The following RGS20 variants were observed in gnomAD, a reference collection of about 807,000 sequenced individuals.
The protein encoded by RGS20 is regulator of G protein signaling 20.
Under a neutral mutation model 33.6 loss-of-function variants are expected in RGS20, and 30 were observed. The ratio of observed to expected loss-of-function variants is 0.89; its 90% CI spans 0.67 to 1.21. The LOEUF is 1.21. RGS20 is among the 50% of genes most tolerant of loss of function. The probability of loss-of-function intolerance (pLI) is 0.00; values close to 1 mark genes in which losing one functional copy is unlikely to be tolerated. For synonymous variants in RGS20, 208 were observed against 197.9 expected (o/e 1.05, Z -0.43); for missense variants, 472 against 502.4 (o/e 0.94, Z 0.58).
chr8:53,930,416 A>T (rs1813920762), intron 2 of RGS20, among the ~76,000 whole-genome samples: 1 of 152,226 alleles, frequency 6.6e-6, no homozygotes, highest in African/African-American at 2.4e-5. Context: ...ATTTAAGTGA[A>T]TAGATATTTC....
intron 2 of RGS20, among the ~76,000 whole-genome samples, chr8:53,883,202 G>C (rs1281402267): frequency 6.6e-6 from 1 of 151,380 alleles, no homozygotes; most frequent in Non-Finnish European, 1.5e-5. Context: ...TGTGGCCCAG[G>C]CTGGAGTGCA....
At chr8:53,947,249 A>G (rs1814518890) in intron 4 of RGS20, among the ~76,000 whole-genome samples, 1 of 140,834 alleles carries the variant, frequency 7.1e-6, no homozygotes, top group African/African-American at 2.7e-5. Flanking sequence ...GATATAGCAT[A>G]TTTATTTATA....
intron 3 of RGS20, 42 bp from the exon 3 acceptor site, chr8:53,946,623 C>T (rs1814487680): frequency 2.0e-6 from 3 of 1,473,870 alleles, no homozygotes; most frequent in Non-Finnish European, 2.8e-6. Flanking sequence ...CTTTTCTTGG[C>T]AGGGACTGAG....
intron 2 of RGS20, chr8:53,879,680 A>C: frequency 5.0e-6 from 6 of 1,199,760 alleles, no homozygotes; most frequent in African/African-American, 1.6e-5. Flanking sequence ...TCCTAACCCC[A>C]ACTGACCCGC....
chr8:53,904,581 A>G (rs1230956140), intron 2 of RGS20, among the ~76,000 whole-genome samples: 1 of 152,238 alleles, frequency 6.6e-6, no homozygotes, highest in African/African-American at 2.4e-5. Context: ...CATGCAAACC[A>G]TTAATGATGG....
chr8:53,852,506 G>T (rs1411314143), intron 1 of RGS20, among the ~76,000 whole-genome samples: 2 of 152,170 alleles, frequency 1.3e-5, no homozygotes, highest in Admixed American at 6.5e-5. Flanking sequence ...ACATTAAGGA[G>T]CTGAGGGGTG....
rs1410188715 is a variant in RGS20 at position 53,948,364 on chromosome 8, GAC to G, written c.743+1620_743+1621del. Among the ~76,000 whole-genome samples, 554 of 138,080 alleles carry G rather than the reference GAC, an allele frequency of 4.0e-3. 10 individuals are homozygous for G. Among genetic ancestry groups the G allele is most frequent in the African/African-American group, 0.014 (514 of 37,074 alleles). The allele number at this position is 138,080 out of a possible 152,430, so 90.6% of individuals were successfully genotyped here. On this transcript the variant is annotated intron_variant, in intron 4 of 5. Coordinates refer to ENST00000297313, the MANE Select transcript of RGS20 (RefSeq NM_170587.4). ...ATATATTTATATATGCTATATATAA[GAC>G]ACAGTATATATTTATATATGCTATA...
chr8:53,863,234 G>A (rs550297502), intron 1 of RGS20, among the ~76,000 whole-genome samples: 20 of 152,132 alleles, frequency 1.3e-4, no homozygotes, highest in African/African-American at 4.8e-4. Context: ...TGATCCGCCC[G>A]CCTCGGCCTC....
At chr8:53,882,344 G>A (rs1457703106) in intron 2 of RGS20, among the ~76,000 whole-genome samples, 1 of 152,108 alleles carries the variant, frequency 6.6e-6, no homozygotes, top group African/African-American at 2.4e-5. Flanking sequence ...TGAGCTTCCC[G>A]GACTTGACAG....
chr8:53,895,504 G>A (rs979038792), intron 2 of RGS20, among the ~76,000 whole-genome samples: 4 of 152,104 alleles, frequency 2.6e-5, no homozygotes, highest in Non-Finnish European at 5.9e-5. Context: ...TAGAATCTGC[G>A]CTTCCTTTTC....
At chr8:53,910,220 G>A (rs1585911824) in intron 2 of RGS20, among the ~76,000 whole-genome samples, 1 of 152,134 alleles carries the variant, frequency 6.6e-6, no homozygotes, top group South Asian at 2.1e-4. Flanking sequence ...TAGATGCCCT[G>A]GTACCAGCAA....
At chr8:53,885,238 G>A (rs2129275905) in intron 2 of RGS20, among the ~76,000 whole-genome samples, 1 of 152,264 alleles carries the variant, frequency 6.6e-6, no homozygotes, top group East Asian at 1.9e-4. Context: ...TTCCGCATGT[G>A]GGCATCTAAC....
chr8:53,884,302 C>T (rs1204033479), intron 2 of RGS20, among the ~76,000 whole-genome samples: 1 of 148,048 alleles, frequency 6.8e-6, no homozygotes, highest in African/African-American at 2.6e-5. Context: ...TTCAAAGGAT[C>T]CTCCCACCTC....
At position 53,863,080 on chromosome 8, in the gene RGS20, C is replaced by G. The variant is rs541461871; in HGVS notation, c.165+11016C>G. Among the ~76,000 whole-genome samples, 562 of 152,240 alleles carry G rather than the reference C, an allele frequency of 3.7e-3. 10 individuals are homozygous for G. The highest frequency in any genetic ancestry group is 0.013 in the African/African-American group (537 of 41,554). ...CTCGGCTCACCGCAACCTCTGCCTC[C>G]CAGTTCAAGGGATTCTCCTGCCTCA... On this transcript the variant is annotated intron_variant, in intron 1 of 5. Transcript: ENST00000297313.
Position 53,954,198 on chromosome 8 carries a change from T to C in RGS20, c.866T>C (p.Met289Thr). ...CGAACAGAATTCAGTGAGGAAAATA[T>C]GCTCTTCTGGATGGCCTGTGAGGAA... Residue 289 changes from methionine to threonine, a missense_variant, in exon 5 of 6, where the codon ATG (methionine) becomes ACG (threonine). Met to Thr is a moderately conservative substitution (Grantham distance 81). Coordinates refer to ENST00000297313, the MANE Select transcript of RGS20 (RefSeq NM_170587.4). 3.7e-6 allele frequency: 6 copies of C among 1,614,052 alleles called. No individual in the cohort carries two copies. Among genetic ancestry groups the C allele is most frequent in the Non-Finnish European group, 3.4e-6 (4 of 1,179,894 alleles).
chr8:53,928,752 G>A (rs765143589), intron 2 of RGS20, among the ~76,000 whole-genome samples: 3 of 152,032 alleles, frequency 2.0e-5, no homozygotes, highest in Admixed American at 1.3e-4. Context: ...GAACCTGGGA[G>A]GCAGAGGTTG....
At chr8:53,864,620 G>C (rs967925453) in intron 1 of RGS20, among the ~76,000 whole-genome samples, 1 of 151,930 alleles carries the variant, frequency 6.6e-6, no homozygotes, top group African/African-American at 2.4e-5. Context: ...GATGGACCTC[G>C]TACATAGTGG....
At chr8:53,928,849 C>A (rs763235274) in intron 2 of RGS20, among the ~76,000 whole-genome samples, 1 of 151,672 alleles carries the variant, frequency 6.6e-6, no homozygotes, top group Non-Finnish European at 1.5e-5. Context: ...TTTTCATGTT[C>A]GAAAGAAGAC....
Position 53,929,026 on chromosome 8 carries a change from G to A in RGS20, c.511-10550G>A, listed in dbSNP as rs1462544981. ...AACAATCTCAAAACAATCATGCTAC[G>A]CAAAGGAAACCAGACCACAATAAAA... On this transcript the variant is annotated intron_variant, in intron 2 of 5. Transcript: ENST00000297313. Among the ~76,000 whole-genome samples the A allele has an allele frequency of 9.2e-5, 14 of 152,202 alleles. No individual in the cohort carries two copies. The East Asian group carries it at 1.9e-3, about 21-fold the overall frequency.
Sources: allele counts gnomAD v4.1 joint callset (sites outside exome capture counted in the v4.1 genomes callset), GRCh38; gene constraint gnomAD v4.1.1; transcripts MANE v1.5; gene names NCBI Gene and HGNC (gene_info 2026-07-23, HGNC 2026-07-21).